The following PLCG2 variants were observed in gnomAD, a reference collection of about 807,000 sequenced individuals.
PLCG2 encodes 1-phosphatidylinositol 4,5-bisphosphate phosphodiesterase gamma-2.
Under a neutral mutation model 175.6 loss-of-function variants are expected in PLCG2, and 69 were observed. The observed-to-expected ratio is 0.39, with a 90% CI of 0.32 to 0.48. The LOEUF is 0.48. Ranked by LOEUF, PLCG2 falls within the 20% of genes least tolerant of loss-of-function variation. The pLI, the probability that PLCG2 is intolerant of heterozygous loss-of-function variation, is 0.91. For missense variants in PLCG2, 1,798 were observed against 1,650.9 expected (o/e 1.09, Z -1.54); for synonymous variants, 827 against 624.0 (o/e 1.33, Z -4.85).
intron 13 of PLCG2, among the ~76,000 whole-genome samples, chr16:81,896,365 A>AACACACAC (rs57375866): frequency 1.3e-4 from 16 of 121,178 alleles, no homozygotes; most frequent in African/African-American, 5.0e-4. Context: ...TCTCTACCAA[A>AACACACAC]ACACACACAC....
At chr16:81,954,465 C>G (rs868015201) in intron 31 of PLCG2, among the ~76,000 whole-genome samples, 2 of 152,132 alleles carry the variant, frequency 1.3e-5, no homozygotes, top group South Asian at 2.1e-4. Context: ...ACTCGTCAAC[C>G]TGTCATCTAG....
intron 2 of PLCG2, among the ~76,000 whole-genome samples, chr16:81,816,476 C>T (rs1215719714): frequency 1.3e-5 from 1 of 79,666 alleles, no homozygotes; most frequent in Non-Finnish European, 2.5e-5. Context: ...CCTTTTCCCT[C>T]ATTATAATTT....
rs571514085 is a variant in PLCG2, at chr16:81,853,687, G to A, written c.194-757G>A. 1.1e-4 allele frequency among the ~76,000 whole-genome samples: 16 copies of A among 152,254 alleles called. No individual in the cohort carries two copies. The South Asian group carries it at 3.3e-3, about 32-fold the overall frequency. On this transcript the variant is annotated intron_variant, in intron 2 of 32. Coordinates refer to ENST00000564138, the MANE Select transcript of PLCG2 (RefSeq NM_002661.5). ...GGTACCAGTCCATGGCCTGGGGGTT[G>A]GGGAATCCCTGATTTATACTACATT...
intron 31 of PLCG2, among the ~76,000 whole-genome samples, chr16:81,950,452 A>G (rs1467734720): frequency 6.6e-6 from 1 of 152,218 alleles, no homozygotes; most frequent in African/African-American, 2.4e-5. Flanking sequence ...ACAACTGTAT[A>G]AAGAAAAAAT....
intron 2 of PLCG2, among the ~76,000 whole-genome samples, chr16:81,801,658 T>A (rs1304293573): frequency 6.6e-6 from 1 of 152,168 alleles, no homozygotes; most frequent in Non-Finnish European, 1.5e-5. Context: ...TTTTTCGATA[T>A]TAGATAGTTG....
At chr16:81,753,058 C>T (rs1476198685) in intron 1 of PLCG2, among the ~76,000 whole-genome samples, 2 of 152,238 alleles carry the variant, frequency 1.3e-5, no homozygotes, top group Admixed American at 6.5e-5. Flanking sequence ...GTGCCTGTGG[C>T]TCAGTCTGAG....
At chr16:81,950,995 A>T (rs1911343625) in intron 31 of PLCG2, among the ~76,000 whole-genome samples, 1 of 152,084 alleles carries the variant, frequency 6.6e-6, no homozygotes, top group African/African-American at 2.4e-5. Context: ...AAAAAGGCCA[A>T]ATTTTGTTTT....
chr16:81,769,704 C>G (rs1015080173), intron 2 of PLCG2, among the ~76,000 whole-genome samples: 6 of 150,502 alleles, frequency 4.0e-5, no homozygotes, highest in African/African-American at 1.5e-4. Flanking sequence ...CCTGTAGTCC[C>G]AGCTACTTGG....
chr16:81,834,320 C>T (rs1397746916), intron 2 of PLCG2, among the ~76,000 whole-genome samples: 3 of 152,176 alleles, frequency 2.0e-5, no homozygotes, highest in Non-Finnish European at 2.9e-5. Flanking sequence ...TCGGAGGGCT[C>T]GGTGTTCTGC....
At chr16:81,739,936 G>C (rs1333280248) in intron 1 of PLCG2, among the ~76,000 whole-genome samples, 3 of 152,096 alleles carry the variant, frequency 2.0e-5, no homozygotes, top group African/African-American at 7.2e-5. Flanking sequence ...TCAGGAATTT[G>C]AAACCAGCCT....
intron 2 of PLCG2, among the ~76,000 whole-genome samples, chr16:81,838,119 C>T (rs1905620963): frequency 6.6e-6 from 1 of 151,748 alleles, no homozygotes; most frequent in East Asian, 1.9e-4. Flanking sequence ...GGCTCTGTTG[C>T]CCAGGCTAGA....
intron 12 of PLCG2, among the ~76,000 whole-genome samples, chr16:81,895,328 A>T (rs1908832830): frequency 6.6e-6 from 1 of 152,204 alleles, no homozygotes. Context: ...TGGGAAGCTG[A>T]GGTGGATGGA....
upstream of PLCG2, among the ~76,000 whole-genome samples, chr16:81,778,027 A>C (rs1189236676): frequency 3.4e-4 from 28 of 83,350 alleles, no homozygotes; most frequent in African/African-American, 1.3e-3. Flanking sequence ...AAAAAAAAAA[A>C]AAAACAAAAA....
intron 2 of PLCG2, among the ~76,000 whole-genome samples, chr16:81,838,579 G>A (rs1597347327): frequency 6.6e-6 from 1 of 151,804 alleles, no homozygotes; most frequent in Non-Finnish European, 1.5e-5. Flanking sequence ...TGGACAGAGG[G>A]AGGGGAACAT....
At chr16:81,858,389 T>C (rs757307671) in intron 4 of PLCG2, 33 bp downstream of exon 4, 1 of 1,456,436 alleles carries the variant, frequency 6.9e-7, no homozygotes, top group Non-Finnish European at 9.6e-7. Flanking sequence ...TTTGCGTAGT[T>C]GCTGATTCCT....
chr16:81,821,346 A>G (rs2143336699), intron 2 of PLCG2, among the ~76,000 whole-genome samples: 1 of 152,262 alleles, frequency 6.6e-6, no homozygotes, highest in East Asian at 1.9e-4. Flanking sequence ...CCCAAGGCAT[A>G]GTGGTGAATA....
At chr16:81,837,505 C>G (rs1052868048) in intron 2 of PLCG2, among the ~76,000 whole-genome samples, 4 of 152,198 alleles carry the variant, frequency 2.6e-5, no homozygotes, top group African/African-American at 9.7e-5. Context: ...TGGTAGAATC[C>G]CCTGGGAGGA....
At chr16:81,939,417 G>A (rs978418802) in intron 29 of PLCG2, among the ~76,000 whole-genome samples, 4 of 152,196 alleles carry the variant, frequency 2.6e-5, no homozygotes, top group Non-Finnish European at 4.4e-5. Flanking sequence ...CTGGTAAAAA[G>A]TAGCCCAATG....
In PLCG2 at chr16:81,931,568, C is replaced by G. The variant is rs768495444; in HGVS notation, c.2653C>G (p.Pro885Ala). ...ILEPKQQGDP[P>A]VEFATDRVEE... ...GGAGCCCAAGCAGCAGGGCGATCCT[C>G]CGGTGGAGTTTGCCACAGACAGGGT... is the stretch of plus-strand genomic sequence containing the variant. Residue 885 changes from proline to alanine, a missense_variant, in exon 25 of 33, where the codon CCG (proline) becomes GCG (alanine). Coordinates refer to ENST00000564138, the MANE Select transcript of PLCG2 (RefSeq NM_002661.5). The G allele has an allele frequency of 9.3e-6, 15 of 1,613,992 alleles. 1 individual carries two copies. The South Asian group carries it at 1.6e-4, about 18-fold the overall frequency.
Sources: allele counts gnomAD v4.1 joint callset (sites outside exome capture counted in the v4.1 genomes callset), GRCh38; gene constraint gnomAD v4.1.1; transcripts MANE v1.5; gene names NCBI Gene and HGNC (gene_info 2026-07-23, HGNC 2026-07-21).